Variants in ADAMTS17 observed in about 807,000 individuals in gnomAD.
ADAMTS17 encodes A disintegrin and metalloproteinase with thrombospondin motifs 17.
A neutral mutation model predicts 141.5 loss-of-function variants in ADAMTS17; 113 were observed. The ratio of observed to expected loss-of-function variants is 0.80; its 90% CI spans 0.69 to 0.93. The LOEUF (loss-of-function observed/expected upper bound fraction) is 0.93, where lower values mean the gene tolerates loss of function less well. ADAMTS17 is among the 40% of genes least tolerant of loss of function. The pLI is 0.00. For missense variants in ADAMTS17, 1,659 were observed against 1,517.9 expected (o/e 1.09, Z -1.54); for synonymous variants, 768 against 630.6 (o/e 1.22, Z -3.27).
At chr15:100,165,496 C>T (rs1330579649) in intron 8 of ADAMTS17, among the ~76,000 whole-genome samples, 2 of 152,170 alleles carry the variant, frequency 1.3e-5, no homozygotes, top group Non-Finnish European at 2.9e-5. Context: ...TGGGAGGCTC[C>T]CATTCTCCTT....
intron 15 of ADAMTS17, chr15:100,063,596 A>G (rs1343754541): frequency 6.7e-6 from 8 of 1,192,348 alleles, no homozygotes; most frequent in Non-Finnish European, 7.8e-6. Flanking sequence ...CCCGGGAGGA[A>G]TGACACTGAA....
At chr15:99,988,961 G>A (rs1216161385) in intron 20 of ADAMTS17, among the ~76,000 whole-genome samples, 1 of 152,196 alleles carries the variant, frequency 6.6e-6, no homozygotes, top group African/African-American at 2.4e-5. Flanking sequence ...GTCAAGGTAT[G>A]TACAAAAGCA....
intron 20 of ADAMTS17, among the ~76,000 whole-genome samples, chr15:99,991,263 T>C (rs1269972272): frequency 6.6e-6 from 1 of 152,150 alleles, no homozygotes; most frequent in African/African-American, 2.4e-5. Flanking sequence ...AATTTTGCAA[T>C]CTATCCATCT....
intron 20 of ADAMTS17, among the ~76,000 whole-genome samples, chr15:99,976,847 G>A (rs531644545): frequency 1.3e-5 from 2 of 152,196 alleles, no homozygotes; most frequent in Non-Finnish European, 2.9e-5. Context: ...AGCAGCCAGG[G>A]GAGACTAAGA....
At chr15:100,297,387 A>T (rs1348178586) in intron 3 of ADAMTS17, among the ~76,000 whole-genome samples, 2 of 152,208 alleles carry the variant, frequency 1.3e-5, no homozygotes, top group African/African-American at 4.8e-5. Flanking sequence ...TTCTGTGGGC[A>T]GAAGAGATTC....
rs1169276602 is a variant in ADAMTS17, at chr15:99,977,390, ATATATATATAATTTTTTTTTTTTT to A, written c.2950-1192_2950-1169del. ...TATATATATATATATATATATATAT[ATATATATATAATTTTTTTTTTTTT>A]TTTTTTTTTTTTTTTGAGATGGAGT... On this transcript the variant is annotated intron_variant, in intron 20 of 21. Coordinates refer to ENST00000268070, the MANE Select transcript of ADAMTS17 (RefSeq NM_139057.4). Among the ~76,000 whole-genome samples, 6 of 8,494 alleles carry A rather than the reference ATATATATATAATTTTTTTTTTTTT, an allele frequency of 7.1e-4. 1 individual carries two copies. Among genetic ancestry groups the A allele is most frequent in the African/African-American group, 2.4e-3 (5 of 2,082 alleles). The allele number at this position is 8,494 out of a possible 152,430, so 5.6% of individuals were successfully genotyped here. A position where few individuals can be genotyped will look rare whatever the true frequency, so the allele number is the denominator to read the frequency against.
At chr15:100,003,294 C>T (rs954470345) in intron 18 of ADAMTS17, among the ~76,000 whole-genome samples, 2 of 152,186 alleles carry the variant, frequency 1.3e-5, no homozygotes, top group African/African-American at 4.8e-5. Context: ...AAATACGGCT[C>T]AGCCCACAGG....
intron 1 of ADAMTS17, among the ~76,000 whole-genome samples, 159 bp from the exon 2 acceptor site, chr15:100,341,568 G>A (rs1384181828): frequency 2.7e-5 from 4 of 149,256 alleles, no homozygotes; most frequent in Non-Finnish European, 6.0e-5. Context: ...CGCGCCACCC[G>A]GGGAGGGTCT....
chr15:100,161,555 G>A (rs866202152), intron 8 of ADAMTS17, among the ~76,000 whole-genome samples: 8 of 152,186 alleles, frequency 5.3e-5, no homozygotes, highest in African/African-American at 1.9e-4. Flanking sequence ...TATTGACTTT[G>A]CAGTAACTGG....
chr15:100,009,287 T>C (rs1320567804), intron 18 of ADAMTS17, among the ~76,000 whole-genome samples: 3 of 152,138 alleles, frequency 2.0e-5, no homozygotes, highest in Non-Finnish European at 4.4e-5. Context: ...CCTATTCCTA[T>C]GTAGGTGGGT....
Position 100,100,461 on chromosome 15 carries a change from A to G in ADAMTS17, c.2017-3985T>C, listed in dbSNP as rs528625910. Among the ~76,000 whole-genome samples, 4 of 152,156 alleles carry G rather than the reference A, an allele frequency of 2.6e-5. No individual in the cohort carries two copies. The South Asian group carries it at 8.3e-4, about 32-fold the overall frequency. On this transcript the variant is annotated intron_variant, in intron 14 of 21. Transcript: ENST00000268070. ...CTGCTGAGCAATCTCTCCACTTTCA[A>G]TGCGACAGCTTCTCCTCCAAAGCTG...
In ADAMTS17 at chr15:100,051,426, C is replaced by T. The variant is rs536542719; in HGVS notation, c.2455+146G>A. 18 of 1,209,268 alleles carry T rather than the reference C, an allele frequency of 1.5e-5. No homozygotes were observed. In the African/African-American group the frequency reaches 2.2e-4, roughly 15 times the overall value. The allele number at this position is 1,209,268 out of a possible 1,614,324, so 74.9% of individuals were successfully genotyped here. A position where few individuals can be genotyped will look rare whatever the true frequency, so the allele number is the denominator to read the frequency against. The stretch of plus-strand genomic sequence containing the variant: ...GGGAAGACTCTGTCCAAGTATTCTG[C>T]AGAGAGATTTTCGGTGGGATATGGT... On this transcript the variant is annotated intron_variant, in intron 17 of 21. Coordinates refer to ENST00000268070, the MANE Select transcript of ADAMTS17 (RefSeq NM_139057.4).
rs184710064 is a variant in ADAMTS17, at chr15:100,281,803, G to A, written c.617-402C>T. 2.8e-4 allele frequency among the ~76,000 whole-genome samples: 42 copies of A among 152,316 alleles called. No individual in the cohort carries two copies. In the East Asian group the frequency reaches 7.1e-3, roughly 26 times the overall value. On this transcript the variant is annotated intron_variant, in intron 3 of 21. Coordinates refer to ENST00000268070, the MANE Select transcript of ADAMTS17 (RefSeq NM_139057.4). The stretch of plus-strand genomic sequence containing the variant: ...ACCCAAGGTGGATAACTGGACCAAG[G>A]AAGCTGGGCAGAGGGGACAGGACAC...
chr15:100,194,125 T>G (rs1043757333), intron 8 of ADAMTS17, among the ~76,000 whole-genome samples: 1 of 152,234 alleles, frequency 6.6e-6, no homozygotes, highest in South Asian at 2.1e-4. Flanking sequence ...GGGTGGCGGA[T>G]AGTTCACAAA....
intron 3 of ADAMTS17, among the ~76,000 whole-genome samples, chr15:100,313,112 C>G (rs2141867850): frequency 6.6e-6 from 1 of 152,292 alleles, no homozygotes; most frequent in South Asian, 2.1e-4. Context: ...CCAATAGCTT[C>G]CATGGTTCAT....
At chr15:100,330,443 TG>T (rs1489548217) in intron 3 of ADAMTS17, among the ~76,000 whole-genome samples, 4 of 152,190 alleles carry the variant, frequency 2.6e-5, no homozygotes, top group Non-Finnish European at 5.9e-5. Flanking sequence ...CTGATGCTGC[TG>T]GCCCGGGGGC....
At chr15:100,094,245 C>T (rs1442842879) in intron 15 of ADAMTS17, among the ~76,000 whole-genome samples, 1 of 152,254 alleles carries the variant, frequency 6.6e-6, no homozygotes, top group Non-Finnish European at 1.5e-5. Flanking sequence ...ACACACTAGG[C>T]TGCAAGCCAG....
In ADAMTS17 at chr15:100,155,173, G is replaced by T. The variant is rs866512188; in HGVS notation, c.1322+7C>A. ...CATTCATCCTATAGAATAATTCCAG[G>T]ACTTACTTGAGGAAGTTTTCAAGGT... On this transcript the variant is annotated splice_region_variant and intron_variant, in intron 9 of 21. Coordinates refer to ENST00000268070, the MANE Select transcript of ADAMTS17 (RefSeq NM_139057.4). 9 of 1,614,184 alleles carry T rather than the reference G, an allele frequency of 5.6e-6. No homozygotes were observed. In the Middle Eastern group the frequency reaches 1.5e-3, roughly 266 times the overall value.
At position 99,974,181 on chromosome 15, in the gene ADAMTS17, C is replaced by T. The variant is rs1286406738; in HGVS notation, c.*221G>A. ...CCTAGAAATTGAAGTTACTTTGTGA[C>T]TCATGCCTACTTTCTCCTCACTGTA... On this transcript the variant is annotated 3_prime_UTR_variant, in exon 22 of 22. Coordinates refer to ENST00000268070, the MANE Select transcript of ADAMTS17 (RefSeq NM_139057.4). 29 of 600,246 alleles carry T rather than the reference C, an allele frequency of 4.8e-5. No homozygotes were observed. The East Asian group carries it at 7.7e-4, about 16-fold the overall frequency. 37.2% of individuals were successfully genotyped at this position (600,246 alleles called of 1,614,324 possible). A position where few individuals can be genotyped will look rare whatever the true frequency, so the allele number is the denominator to read the frequency against.
Sources: gnomAD v4.1 joint callset for allele counts (sites outside exome capture counted in the v4.1 genomes callset) on GRCh38, gnomAD v4.1.1 for gene constraint, MANE v1.5 for transcripts, NCBI Gene and HGNC (gene_info 2026-07-23, HGNC 2026-07-21) for gene names.